Variants in ZBTB20 observed in about 807,000 individuals in gnomAD.
ZBTB20 encodes the protein zinc finger and BTB domain-containing protein 20.
Under a neutral mutation model 56.9 loss-of-function variants are expected in ZBTB20, and 9 were observed. That is an observed-to-expected ratio of 0.16 (90% CI 0.10 to 0.28). The LOEUF is 0.28. ZBTB20 is among the 10% of genes least tolerant of loss of function. ZBTB20 has a pLI of 1.00. For synonymous variants in ZBTB20, 417 were observed against 420.7 expected, an observed-to-expected ratio of 0.99 and a Z score of 0.11; for missense variants, 655 against 1,003.0, an observed-to-expected ratio of 0.65 and a Z score of 4.69.
chr3:114,636,431 C>T (rs1450871138), intron 6 of ZBTB20, among the ~76,000 whole-genome samples: 1 of 152,050 alleles, frequency 6.6e-6, no homozygotes, highest in African/African-American at 2.4e-5. Context: ...TCACTTTCAA[C>T]TCTGGTATAA....
At chr3:114,645,796 A>G (rs2059802668) in intron 6 of ZBTB20, among the ~76,000 whole-genome samples, 1 of 152,182 alleles carries the variant, frequency 6.6e-6, no homozygotes, top group Non-Finnish European at 1.5e-5. Flanking sequence ...TTCATTAGAC[A>G]CAATTCTCAG....
chr3:114,787,366 T>C (rs9811592), intron 5 of ZBTB20, among the ~76,000 whole-genome samples: 41,766 of 82,134 alleles, frequency 0.51, 8,195 homozygotes, highest in Non-Finnish European at 0.56. Context: ...TATATATATA[T>C]ATACACACAC....
intron 4 of ZBTB20, among the ~76,000 whole-genome samples, chr3:114,894,877 T>C (rs778160491): frequency 2.6e-5 from 4 of 152,192 alleles, no homozygotes; most frequent in Non-Finnish European, 4.4e-5. Flanking sequence ...ATCATCAATA[T>C]TTACCTTGAT....
chr3:115,121,239 A>G (rs2084173594), intron 1 of ZBTB20, among the ~76,000 whole-genome samples: 1 of 152,038 alleles, frequency 6.6e-6, no homozygotes, highest in Admixed American at 6.6e-5. Context: ...GTGCATTTAA[A>G]ATCTTTTTTA....
intron 5 of ZBTB20, among the ~76,000 whole-genome samples, chr3:114,728,340 C>T (rs2065460908): frequency 6.6e-6 from 1 of 151,846 alleles, no homozygotes; most frequent in Admixed American, 6.6e-5. Flanking sequence ...AATAGTATAC[C>T]CATTAGAAGG....
intron 5 of ZBTB20, among the ~76,000 whole-genome samples, chr3:114,731,885 T>C (rs1578583940): frequency 6.6e-6 from 1 of 151,908 alleles, no homozygotes; most frequent in East Asian, 1.9e-4. Context: ...CCTAGATTAG[T>C]AACTAATCCG....
chr3:114,951,828 A>C (rs1379038335), intron 3 of ZBTB20, among the ~76,000 whole-genome samples: 1 of 152,120 alleles, frequency 6.6e-6, no homozygotes, highest in African/African-American at 2.4e-5. Context: ...CTAAAATGAC[A>C]CAGATGTTGG....
chr3:114,915,049 A>T (rs1576312800), intron 3 of ZBTB20, among the ~76,000 whole-genome samples: 3 of 149,524 alleles, frequency 2.0e-5, no homozygotes, highest in Admixed American at 6.7e-5. Context: ...TTTTTTTTTT[A>T]AATGTGTCTT....
intron 3 of ZBTB20, among the ~76,000 whole-genome samples, chr3:114,933,431 A>G (rs1320406086): frequency 1.3e-5 from 2 of 152,210 alleles, no homozygotes; most frequent in South Asian, 2.1e-4. Context: ...ACTTGCTAAC[A>G]GTTATTTGCT....
chr3:114,362,315 C>G (rs1044508999), intron 10 of ZBTB20, among the ~76,000 whole-genome samples: 13 of 152,116 alleles, frequency 8.5e-5, no homozygotes, highest in Non-Finnish European at 1.6e-4. Context: ...CTTGTTATAA[C>G]CACAACTACA....
rs2079448339 is a variant in ZBTB20, at chr3:114,336,215, T to G, written c.*2790A>C. On this transcript the variant is annotated 3_prime_UTR_variant, in exon 12 of 12. Coordinates refer to ENST00000675478, the MANE Select transcript of ZBTB20 (RefSeq NM_001348800.3). ...CTCCTAGCTTTAAGAGTTTTTTTCT[T>G]AAGGTCAATCTTCTCTTTTCATTTT... is the stretch of plus-strand genomic sequence containing the variant. The G allele has an allele frequency of 6.6e-6, 1 of 152,246 alleles. No homozygotes were observed. The highest frequency in any genetic ancestry group is 2.4e-5 in the African/African-American group (1 of 41,462). 9.4% of individuals were successfully genotyped at this position (152,246 alleles called of 1,614,324 possible).
chr3:115,023,254 A>T (rs961322810), intron 2 of ZBTB20, among the ~76,000 whole-genome samples: 7 of 150,918 alleles, frequency 4.6e-5, no homozygotes, highest in East Asian at 3.9e-4. Context: ...ATCTTTTTTT[A>T]AAAAATGGAC....
At chr3:115,112,356 A>G (rs760956698) in intron 1 of ZBTB20, among the ~76,000 whole-genome samples, 1 of 151,950 alleles carries the variant, frequency 6.6e-6, no homozygotes, top group Non-Finnish European at 1.5e-5. Flanking sequence ...TGCAATATAG[A>G]ATATTTTTAT....
chr3:114,316,446 TTTG>T lies in ZBTB20; in HGVS notation c.*22556_*22558del, dbSNP rs762621538. 3.4e-5 allele frequency: 16 copies of T among 474,994 alleles called. No individual in the cohort carries two copies. The highest frequency in any genetic ancestry group is 1.0e-4 in the African/African-American group (5 of 49,468). The allele number at this position is 474,994 out of a possible 1,614,324, so 29.4% of individuals were successfully genotyped here. A position where few individuals can be genotyped will look rare whatever the true frequency, so the allele number is the denominator to read the frequency against. The stretch of plus-strand genomic sequence containing the variant: ...TCTGGATTTGTAATGAGCATCTGAT[TTTG>T]TTATGTGCATGTGTGTATATATGCA... On this transcript the variant is annotated 3_prime_UTR_variant, in exon 12 of 12. Coordinates refer to ENST00000675478, the MANE Select transcript of ZBTB20 (RefSeq NM_001348800.3).
intron 3 of ZBTB20, among the ~76,000 whole-genome samples, chr3:114,923,681 A>C (rs1379131310): frequency 1.3e-5 from 2 of 152,086 alleles, no homozygotes; most frequent in East Asian, 3.8e-4. Context: ...TATTGACACG[A>C]AAAGCACAGG....
At chr3:115,145,106 T>C (rs943994795) in intron 1 of ZBTB20, among the ~76,000 whole-genome samples, 2 of 152,190 alleles carry the variant, frequency 1.3e-5, no homozygotes, top group African/African-American at 4.8e-5. Context: ...AACAGTTACA[T>C]CAGCAATTCC....
chr3:114,695,732 T>G (rs2062968296), intron 5 of ZBTB20, among the ~76,000 whole-genome samples: 1 of 152,050 alleles, frequency 6.6e-6, no homozygotes. Context: ...CATATTAAAA[T>G]TACATCATAA....
At chr3:114,854,864 T>A (rs758341614) in intron 4 of ZBTB20, among the ~76,000 whole-genome samples, 2 of 152,232 alleles carry the variant, frequency 1.3e-5, no homozygotes, top group Non-Finnish European at 2.9e-5. Context: ...CATTTCACTT[T>A]TTTTCTAAAT....
At chr3:114,516,302 C>T (rs1398752940) in intron 6 of ZBTB20, among the ~76,000 whole-genome samples, 1 of 152,194 alleles carries the variant, frequency 6.6e-6, no homozygotes, top group Non-Finnish European at 1.5e-5. Flanking sequence ...CACCACACTA[C>T]TCAGCATTCA....
Sources: allele counts gnomAD v4.1 joint callset (sites outside exome capture counted in the v4.1 genomes callset), GRCh38; gene constraint gnomAD v4.1.1; transcripts MANE v1.5; gene names NCBI Gene and HGNC (gene_info 2026-07-23, HGNC 2026-07-21).